The following SMYD3 variants were observed in gnomAD, a reference collection of about 807,000 sequenced individuals.
SMYD3 encodes SET and MYND domain containing 3.
SMYD3 carries 36 observed loss-of-function variants against 57.7 expected under a neutral mutation model. That is an observed-to-expected ratio of 0.62 (90% CI 0.48 to 0.82). The LOEUF is 0.82. SMYD3 is among the 40% of genes least tolerant of loss of function. The pLI is 0.00. For missense variants in SMYD3, 515 were observed against 538.8 expected, an observed-to-expected ratio of 0.96 and a Z score of 0.44; for synonymous variants, 211 against 195.0, an observed-to-expected ratio of 1.08 and a Z score of -0.68.
chr1:246,032,472 C>G (rs1044822952), intron 5 of SMYD3, among the ~76,000 whole-genome samples: 3 of 152,190 alleles, frequency 2.0e-5, no homozygotes, highest in African/African-American at 7.2e-5. Flanking sequence ...GAAGGAGAGA[C>G]AGATGGCAGC....
intron 10 of SMYD3, among the ~76,000 whole-genome samples, chr1:245,782,878 T>C (rs1264260776): frequency 6.6e-6 from 1 of 152,150 alleles, no homozygotes; most frequent in Non-Finnish European, 1.5e-5. Context: ...CAATGCATAG[T>C]GAAACGCTAT....
intron 8 of SMYD3, among the ~76,000 whole-genome samples, chr1:245,897,420 A>G (rs2053893005): frequency 6.6e-6 from 1 of 152,224 alleles, no homozygotes; most frequent in Admixed American, 6.5e-5. Context: ...AAAAATCAAA[A>G]TAAGAAATGT....
intron 5 of SMYD3, among the ~76,000 whole-genome samples, chr1:246,219,397 G>A (rs993226330): frequency 2.6e-5 from 4 of 152,144 alleles, no homozygotes; most frequent in South Asian, 2.1e-4. Flanking sequence ...AGAGATGACC[G>A]CATTTCACAG....
chr1:245,812,299 T>C (rs996341010), intron 10 of SMYD3, among the ~76,000 whole-genome samples: 3 of 152,178 alleles, frequency 2.0e-5, no homozygotes, highest in Admixed American at 2.0e-4. Context: ...AGGACAAGCT[T>C]GTGCTCAGGA....
At chr1:246,276,446 C>A (rs923036894) in intron 5 of SMYD3, among the ~76,000 whole-genome samples, 3 of 146,356 alleles carry the variant, frequency 2.0e-5, no homozygotes, top group Non-Finnish European at 4.5e-5. Flanking sequence ...TTTTCACTAG[C>A]TGTATTAACA....
intron 5 of SMYD3, among the ~76,000 whole-genome samples, chr1:246,228,330 C>T (rs2063360720): frequency 6.6e-6 from 1 of 152,152 alleles, no homozygotes; most frequent in African/African-American, 2.4e-5. Context: ...ATTCAACTGG[C>T]TTCCATGTTT....
chr1:246,401,892 T>C (rs550205370), intron 1 of SMYD3, among the ~76,000 whole-genome samples: 1 of 152,058 alleles, frequency 6.6e-6, no homozygotes, highest in East Asian at 1.9e-4. Flanking sequence ...CCGGCTAATT[T>C]TGTATTTTTA....
chr1:245,860,127 G>A (rs2051456320), intron 9 of SMYD3, among the ~76,000 whole-genome samples: 1 of 115,456 alleles, frequency 8.7e-6, no homozygotes, highest in Non-Finnish European at 2.0e-5. Context: ...GTGGTTCAGT[G>A]GACTGAGTTT....
chr1:245,787,579 T>A (rs2047097739), intron 10 of SMYD3, among the ~76,000 whole-genome samples: 1 of 150,780 alleles, frequency 6.6e-6, no homozygotes, highest in Non-Finnish European at 1.5e-5. Context: ...CTTTACCCAG[T>A]CAAAACTTCC....
At chr1:246,358,870 G>A (rs1411893858) in intron 1 of SMYD3, among the ~76,000 whole-genome samples, 1 of 152,082 alleles carries the variant, frequency 6.6e-6, no homozygotes, top group Non-Finnish European at 1.5e-5. Context: ...GCCTGAAGGA[G>A]CACAAATAGA....
At chr1:246,232,279 A>G (rs527721553) in intron 5 of SMYD3, among the ~76,000 whole-genome samples, 20 of 152,320 alleles carry the variant, frequency 1.3e-4, no homozygotes, top group African/African-American at 4.6e-4. Flanking sequence ...ACTACATAAT[A>G]CTGTAACCAC....
intron 5 of SMYD3, among the ~76,000 whole-genome samples, chr1:246,067,590 CCA>C (rs780047837): frequency 6.6e-6 from 1 of 152,056 alleles, no homozygotes; most frequent in Non-Finnish European, 1.5e-5. Context: ...ATAGCTGCGC[CCA>C]CACACACTAA....
intron 5 of SMYD3, among the ~76,000 whole-genome samples, chr1:246,089,346 T>C (rs1326997952): frequency 1.3e-5 from 2 of 152,178 alleles, no homozygotes; most frequent in Non-Finnish European, 2.9e-5. Flanking sequence ...CTTTCTCCTA[T>C]AACCAAAACA....
intron 10 of SMYD3, among the ~76,000 whole-genome samples, chr1:245,839,911 G>C (rs562739680): frequency 9.9e-5 from 15 of 152,094 alleles, no homozygotes; most frequent in African/African-American, 3.6e-4. Context: ...ATAAGAATAG[G>C]GAGCCATGAA....
At chr1:246,101,070 TG>T (rs765915466) in intron 5 of SMYD3, among the ~76,000 whole-genome samples, 520 of 40,524 alleles carry the variant, frequency 0.013, 42 homozygotes, top group Non-Finnish European at 0.02. Flanking sequence ...AGGGGTTTTT[TG>T]TTTTTTTTTT....
At chr1:246,324,185 CG>C (rs2065298173) in intron 5 of SMYD3, among the ~76,000 whole-genome samples, 1 of 152,060 alleles carries the variant, frequency 6.6e-6, no homozygotes, top group African/African-American at 2.4e-5. Context: ...GAGGCCAAGG[CG>C]GGCGGATCAT....
chr1:246,031,360 C>A (rs1379665985), intron 5 of SMYD3, among the ~76,000 whole-genome samples: 4 of 151,872 alleles, frequency 2.6e-5, no homozygotes, highest in Non-Finnish European at 5.9e-5. Flanking sequence ...AGGTCAGAAA[C>A]CAAATGAAGT....
chr1:246,337,596 A>G (rs2065565373), intron 2 of SMYD3, among the ~76,000 whole-genome samples: 1 of 152,156 alleles, frequency 6.6e-6, no homozygotes. Context: ...GCGTGTAGGC[A>G]GGAACGGATA....
At chr1:246,457,296 T>C (rs1004297551) in intron 1 of SMYD3, among the ~76,000 whole-genome samples, 12 of 151,814 alleles carry the variant, frequency 7.9e-5, no homozygotes, top group Admixed American at 7.9e-4. Context: ...CTCAGGTGAC[T>C]CTTAGAAAAT....
Sources: allele counts gnomAD v4.1 joint callset (sites outside exome capture counted in the v4.1 genomes callset), GRCh38; gene constraint gnomAD v4.1.1; transcripts MANE v1.5; gene names NCBI Gene and HGNC (gene_info 2026-07-23, HGNC 2026-07-21).